The following RALGPS2 variants were observed in gnomAD, a reference collection of about 807,000 sequenced individuals.
RALGPS2 encodes ras-specific guanine nucleotide-releasing factor RalGPS2.
Under a neutral mutation model 86.8 loss-of-function variants are expected in RALGPS2, and 43 were observed. That is an observed-to-expected ratio of 0.50 (90% CI 0.39 to 0.64). The LOEUF (loss-of-function observed/expected upper bound fraction) is 0.64, where lower values mean the gene tolerates loss of function less well. RALGPS2 is among the 30% of genes least tolerant of loss of function. The pLI is 0.00. For synonymous variants in RALGPS2, 243 were observed against 231.3 expected, an observed-to-expected ratio of 1.05 and a Z score of -0.46; for missense variants, 536 against 694.6, an observed-to-expected ratio of 0.77 and a Z score of 2.57.
chr1:178,804,269 T>TA (rs1654625591), intron 4 of RALGPS2, among the ~76,000 whole-genome samples: 1 of 144,226 alleles, frequency 6.9e-6, no homozygotes, highest in Non-Finnish European at 1.5e-5. Context: ...TTTTTTTTTT[T>TA]AATTAATTGA....
Position 178,768,345 on chromosome 1 carries a change from AT to A in RALGPS2, c.-83-8331del, listed in dbSNP as rs558099666. The stretch of plus-strand genomic sequence containing the variant: ...TTGTAATTATTTTTGTGCAGGTAGA[AT>A]TTTTTCCTTCTTTTTCTGTGATATT... On this transcript the variant is annotated intron_variant, in intron 1 of 19. Transcript: ENST00000367635. Among the ~76,000 whole-genome samples, 17 of 151,704 alleles carry A rather than the reference AT, an allele frequency of 1.1e-4. No individual in the cohort carries two copies. The South Asian group carries it at 3.5e-3, about 32-fold the overall frequency.
chr1:178,858,220 A>G (rs1354966887), intron 8 of RALGPS2, among the ~76,000 whole-genome samples: 2 of 152,088 alleles, frequency 1.3e-5, no homozygotes, highest in African/African-American at 4.8e-5. Context: ...GTCTTAGTCC[A>G]GTGTATATTG....
intron 8 of RALGPS2, among the ~76,000 whole-genome samples, chr1:178,834,720 G>T (rs951818295): frequency 6.6e-6 from 1 of 152,218 alleles, no homozygotes; most frequent in Admixed American, 6.5e-5. Context: ...GATATTAGGA[G>T]AAAGACATTC....
chr1:178,726,743 T>G (rs1228626039), intron 1 of RALGPS2, among the ~76,000 whole-genome samples: 1 of 152,188 alleles, frequency 6.6e-6, no homozygotes, highest in Non-Finnish European at 1.5e-5. Flanking sequence ...TGTCCACCAT[T>G]AGATCGATTC....
intron 5 of RALGPS2, among the ~76,000 whole-genome samples, chr1:178,808,719 G>A (rs1248939212): frequency 1.3e-5 from 2 of 151,980 alleles, no homozygotes; most frequent in Non-Finnish European, 2.9e-5. Flanking sequence ...GTTTGCTTTT[G>A]CTCATACGTA....
chr1:178,852,054 C>G (rs995332105), intron 8 of RALGPS2, among the ~76,000 whole-genome samples: 6 of 152,066 alleles, frequency 3.9e-5, no homozygotes, highest in African/African-American at 1.4e-4. Context: ...ATTCCTATGC[C>G]ACATGTCACA....
At chr1:178,819,480 A>G (rs997075996) in intron 6 of RALGPS2, among the ~76,000 whole-genome samples, 1 of 152,102 alleles carries the variant, frequency 6.6e-6, no homozygotes, top group African/African-American at 2.4e-5. Context: ...TGCTTTATGC[A>G]ATGAGAGTCT....
chr1:178,916,387 T>C lies in RALGPS2; in HGVS notation c.*28T>C, dbSNP rs1176906026. 1.3e-6 allele frequency: 2 copies of C among 1,586,328 alleles called. No individual in the cohort carries two copies. Among genetic ancestry groups the C allele is most frequent in the East Asian group, 4.5e-5 (2 of 44,730 alleles). On this transcript the variant is annotated 3_prime_UTR_variant, in exon 20 of 20. Transcript: ENST00000367635. Reference sequence around the variant, plus strand: ...GCCTGAGAAAAAAAGAGAGGTGAACTGTTGCTTCTACGTGAGCATGAGGAC... The same window carrying C: ...GCCTGAGAAAAAAAGAGAGGTGAACCGTTGCTTCTACGTGAGCATGAGGAC...
rs137860887 is a variant in RALGPS2 at position 178,917,891 on chromosome 1, G to A, written c.*1532G>A. 4.9e-4 allele frequency: 74 copies of A among 152,070 alleles called. No individual in the cohort carries two copies. The highest frequency in any genetic ancestry group is 1.6e-3 in the African/African-American group (68 of 41,486). The allele number at this position is 152,070 out of a possible 1,614,324, so 9.4% of individuals were successfully genotyped here. On this transcript the variant is annotated 3_prime_UTR_variant, in exon 20 of 20. Coordinates refer to ENST00000367635, the MANE Select transcript of RALGPS2 (RefSeq NM_152663.5). The stretch of plus-strand genomic sequence containing the variant: ...TACTAATAGACTTCTGTTACTTTGG[G>A]CCTCACATAAAATTTCTCACATTCG...
intron 1 of RALGPS2, among the ~76,000 whole-genome samples, chr1:178,741,218 C>T (rs1558096898): frequency 2.6e-5 from 4 of 152,030 alleles, no homozygotes; most frequent in South Asian, 4.1e-4. Context: ...TTAATAGATG[C>T]TTGGTGTTCT....
intron 1 of RALGPS2, among the ~76,000 whole-genome samples, chr1:178,769,110 C>T (rs994839454): frequency 4.6e-5 from 7 of 151,954 alleles, no homozygotes; most frequent in Admixed American, 2.0e-4. Flanking sequence ...GGCTACCAAT[C>T]CCAGCAAATG....
chr1:178,871,695 A>C (rs962138522), intron 8 of RALGPS2, among the ~76,000 whole-genome samples: 5 of 152,226 alleles, frequency 3.3e-5, no homozygotes, highest in African/African-American at 1.2e-4. Flanking sequence ...CTGGTGTTAC[A>C]TAATGTCATA....
At chr1:178,763,770 G>C (rs1652364705) in intron 1 of RALGPS2, among the ~76,000 whole-genome samples, 1 of 152,062 alleles carries the variant, frequency 6.6e-6, no homozygotes, top group Middle Eastern at 3.4e-3. Flanking sequence ...TTCCAGAACA[G>C]GTTGCTTAAT....
At chr1:178,727,137 A>T (rs1650063891) in intron 1 of RALGPS2, among the ~76,000 whole-genome samples, 1 of 152,242 alleles carries the variant, frequency 6.6e-6, no homozygotes, top group Non-Finnish European at 1.5e-5. Flanking sequence ...AAACAATTTC[A>T]GTGTATTTAT....
At chr1:178,865,636 C>T (rs1282612915) in intron 8 of RALGPS2, 1 of 1,613,848 alleles carries the variant, frequency 6.2e-7, no homozygotes, top group African/African-American at 1.3e-5. Flanking sequence ...ATGCACATTT[C>T]TTTGCTTCCT....
chr1:178,859,822 C>CG (rs1247404817), intron 8 of RALGPS2, among the ~76,000 whole-genome samples: 2 of 49,046 alleles, frequency 4.1e-5, no homozygotes, highest in African/African-American at 1.8e-4. Flanking sequence ...CTCTGCCCGC[C>CG]CCCCCCCCCC....
intron 1 of RALGPS2, among the ~76,000 whole-genome samples, chr1:178,733,001 A>G (rs938522904): frequency 2.0e-5 from 3 of 152,290 alleles, no homozygotes; most frequent in Non-Finnish European, 2.9e-5. Context: ...TTTGAATTCA[A>G]AGTTTCGCTG....
rs11811840 is a variant in RALGPS2, at chr1:178,772,992, G to A, written c.-83-3690G>A. Among the ~76,000 whole-genome samples, 29 of 152,132 alleles carry A rather than the reference G, an allele frequency of 1.9e-4. No homozygotes were observed. In the South Asian group the frequency reaches 4.2e-3, roughly 22 times the overall value. ...AATTTTTTGTGTTTTTAATGGAGAC[G>A]GGGTTTCACCATGTTGGCCGGCTGG... On this transcript the variant is annotated intron_variant, in intron 1 of 19. Transcript: ENST00000367635.
intron 14 of RALGPS2, 73 bp from the exon 15 acceptor site, chr1:178,892,157 G>A: frequency 7.8e-7 from 1 of 1,288,896 alleles, no homozygotes; most frequent in Non-Finnish European, 1.1e-6. Context: ...CTATTATACT[G>A]TTCTAGGTAT....
Sources: gnomAD v4.1 joint callset for allele counts (sites outside exome capture counted in the v4.1 genomes callset) on GRCh38, gnomAD v4.1.1 for gene constraint, MANE v1.5 for transcripts, NCBI Gene and HGNC (gene_info 2026-07-23, HGNC 2026-07-21) for gene names.